The following TRIO variants were observed in gnomAD, a reference collection of about 807,000 sequenced individuals.
TRIO encodes the protein triple functional domain protein.
Under a neutral mutation model 351.9 loss-of-function variants are expected in TRIO, and 58 were observed. The observed-to-expected ratio is 0.16, with a 90% CI of 0.13 to 0.21. The LOEUF (loss-of-function observed/expected upper bound fraction) is 0.21, where lower values mean the gene tolerates loss of function less well. Ranked by LOEUF, TRIO falls within the 10% of genes least tolerant of loss-of-function variation. The pLI is 1.00. For missense variants in TRIO, 3,201 were observed against 4,027.8 expected, an observed-to-expected ratio of 0.79 and a Z score of 5.56; for synonymous variants, 1,758 against 1,595.7, an observed-to-expected ratio of 1.10 and a Z score of -2.42.
chr5:14,349,171 A>G (rs539464606), intron 11 of TRIO, among the ~76,000 whole-genome samples: 1 of 141,952 alleles, frequency 7.0e-6, no homozygotes, highest in African/African-American at 2.7e-5. Flanking sequence ...GCACGTGAGC[A>G]TGTGTGTTTT....
intron 1 of TRIO, among the ~76,000 whole-genome samples, chr5:14,147,653 G>A (rs775979560): frequency 2.6e-5 from 4 of 152,202 alleles, no homozygotes; most frequent in Non-Finnish European, 4.4e-5. Flanking sequence ...GGGAACAGGT[G>A]AAGAAAATCA....
intron 8 of TRIO, among the ~76,000 whole-genome samples, chr5:14,313,997 T>A (rs1277949318): frequency 6.6e-6 from 1 of 152,242 alleles, no homozygotes; most frequent in East Asian, 1.9e-4. Flanking sequence ...GCTGTCAGTT[T>A]CTGGCACATG....
intron 11 of TRIO, among the ~76,000 whole-genome samples, chr5:14,337,199 A>G (rs1197412639): frequency 6.6e-6 from 1 of 152,202 alleles, no homozygotes. Context: ...AGCTAATGTC[A>G]TAGGCATGCA....
At chr5:14,277,687 G>C (rs1354706565) in intron 2 of TRIO, among the ~76,000 whole-genome samples, 1 of 152,146 alleles carries the variant, frequency 6.6e-6, no homozygotes, top group Non-Finnish European at 1.5e-5. Context: ...GTTATACTCA[G>C]ATGCTATTTT....
intron 8 of TRIO, among the ~76,000 whole-genome samples, chr5:14,308,335 TCCACCCAC>T (rs1426542051): frequency 6.8e-6 from 1 of 147,410 alleles, no homozygotes; most frequent in Non-Finnish European, 1.5e-5. Context: ...CATCCATCCA[TCCACCCAC>T]CCACCCACGC....
chr5:14,452,856 A>G (rs1293898235), intron 34 of TRIO, among the ~76,000 whole-genome samples: 1 of 152,198 alleles, frequency 6.6e-6, no homozygotes, highest in Non-Finnish European at 1.5e-5. Flanking sequence ...TTGGTCTGCG[A>G]CCAGCAGGAT....
At chr5:14,153,055 G>T (rs148445751) in intron 1 of TRIO, among the ~76,000 whole-genome samples, 90 of 152,330 alleles carry the variant, frequency 5.9e-4, no homozygotes, top group African/African-American at 2.1e-3. Flanking sequence ...TTCTCATAAG[G>T]TTCAGCCTGT....
chr5:14,502,801 C>T, intron 54 of TRIO, 144 bp downstream of exon 54: 1 of 805,508 alleles, frequency 1.2e-6, no homozygotes. Context: ...ACTCTCATTG[C>T]CTTTAGACGC....
chr5:14,482,988 G>A (rs976038584), intron 46 of TRIO, among the ~76,000 whole-genome samples: 1 of 152,192 alleles, frequency 6.6e-6, no homozygotes, highest in Non-Finnish European at 1.5e-5. Context: ...TGTAACCACA[G>A]CCATTCATTC....
At chr5:14,284,816 C>T (rs921843974) in intron 3 of TRIO, among the ~76,000 whole-genome samples, 5 of 152,204 alleles carry the variant, frequency 3.3e-5, no homozygotes, top group Admixed American at 1.3e-4. Flanking sequence ...TTTACAATCT[C>T]CTGTCTTTGG....
At chr5:14,472,474 A>G in intron 38 of TRIO, 118 bp from the exon 39 acceptor site, 2 of 1,057,112 alleles carry the variant, frequency 1.9e-6, no homozygotes, top group East Asian at 2.7e-5. Context: ...ACCTAAATGT[A>G]CAAATTTGAT....
intron 34 of TRIO, among the ~76,000 whole-genome samples, chr5:14,457,356 C>T (rs1322772526): frequency 2.4e-5 from 3 of 123,642 alleles, no homozygotes; most frequent in African/African-American, 8.1e-5. Flanking sequence ...GAGCTCCCAC[C>T]TTGGGCAGCC....
intron 37 of TRIO, among the ~76,000 whole-genome samples, chr5:14,468,823 G>A (rs1754468971): frequency 1.3e-5 from 2 of 152,156 alleles, no homozygotes; most frequent in South Asian, 4.1e-4. Flanking sequence ...AAGATGTTCA[G>A]CAGTTACACA....
intron 34 of TRIO, among the ~76,000 whole-genome samples, chr5:14,434,758 C>A (rs1751452648): frequency 6.6e-6 from 1 of 152,186 alleles, no homozygotes; most frequent in African/African-American, 2.4e-5. Flanking sequence ...AAAGTAATTG[C>A]AGTTTTTGCC....
chr5:14,399,113 A>AT, intron 30 of TRIO, 43 bp downstream of exon 30: 1 of 1,554,432 alleles, frequency 6.4e-7, no homozygotes, highest in Non-Finnish European at 8.9e-7. Flanking sequence ...AGGTAACACA[A>AT]TTGCAGTCTT....
At chr5:14,346,019 C>T (rs1283256979) in intron 11 of TRIO, among the ~76,000 whole-genome samples, 2 of 152,176 alleles carry the variant, frequency 1.3e-5, no homozygotes, top group Non-Finnish European at 2.9e-5. Context: ...TTGTACTGAT[C>T]TTCGTTGTTC....
chr5:14,190,162 T>C (rs1221690211), intron 1 of TRIO, among the ~76,000 whole-genome samples: 1 of 152,154 alleles, frequency 6.6e-6, no homozygotes, highest in South Asian at 2.1e-4. Context: ...AGTTTTTGAA[T>C]AGAGGGAGAG....
chr5:14,332,361 G>T lies in TRIO; in HGVS notation c.1854+1461G>T, dbSNP rs528098197. Among the ~76,000 whole-genome samples, 3 of 152,282 alleles carry T rather than the reference G, an allele frequency of 2.0e-5. No homozygotes were observed. In the South Asian group the frequency reaches 6.2e-4, roughly 32 times the overall value. ...ATTCTTGATTTTTAAAAGAAAAGCA[G>T]ACCAGTGACTCCCTGGTCATGACTT... On this transcript the variant is annotated intron_variant, in intron 10 of 56. Transcript: ENST00000344204.
At chr5:14,143,975 T>A (rs1787332512) in intron 1 of TRIO, 93 bp downstream of exon 1, 1 of 933,510 alleles carries the variant, frequency 1.1e-6, no homozygotes, top group Non-Finnish European at 1.3e-6. Flanking sequence ...CACCGCGCGC[T>A]GGTGCCCGCC....
Sources: gnomAD v4.1 joint callset for allele counts (sites outside exome capture counted in the v4.1 genomes callset) on GRCh38, gnomAD v4.1.1 for gene constraint, MANE v1.5 for transcripts, NCBI Gene and HGNC (gene_info 2026-07-23, HGNC 2026-07-21) for gene names.